RNF144A: variants seen among roughly 807,000 people sequenced by gnomAD.
RNF144A encodes ring finger protein 144A, also known as E3 ubiquitin-protein ligase RNF144A.
In RNF144A, 11 loss-of-function variants were observed where a neutral mutation model predicts 38.7. The ratio of observed to expected loss-of-function variants is 0.28; its 90% CI spans 0.18 to 0.47. The LOEUF (loss-of-function observed/expected upper bound fraction) is 0.47. Ranked by LOEUF, RNF144A falls within the 20% of genes least tolerant of loss-of-function variation. The pLI, the probability that RNF144A is intolerant of heterozygous loss-of-function variation, is 0.99. For synonymous variants in RNF144A, 149 were observed against 143.9 expected, an observed-to-expected ratio of 1.04 and a Z score of -0.25; for missense variants, 316 against 377.2, an observed-to-expected ratio of 0.84 and a Z score of 1.34.
chr2:7,031,939 A>T (rs1347046261), intron 8 of RNF144A, among the ~76,000 whole-genome samples: 3 of 152,282 alleles, frequency 2.0e-5, no homozygotes, highest in Non-Finnish European at 1.5e-5. Context: ...TTACACAGGC[A>T]GGTGGAAGTG....
At chr2:6,993,948 A>G (rs950682056) in intron 2 of RNF144A, among the ~76,000 whole-genome samples, 1 of 152,204 alleles carries the variant, frequency 6.6e-6, no homozygotes, top group East Asian at 1.9e-4. Context: ...TCCCAAGTCT[A>G]CATGAGTGGT....
At position 7,040,051 on chromosome 2, in the gene RNF144A, G is replaced by T; in HGVS notation, c.*291G>T. 8.8e-7 allele frequency: 1 copy of T among 1,130,870 alleles called. No individual in the cohort carries two copies. Among genetic ancestry groups the T allele is most frequent in the Non-Finnish European group, 1.1e-6 (1 of 920,352 alleles). The allele number at this position is 1,130,870 out of a possible 1,614,324, so 70.1% of individuals were successfully genotyped here. The stretch of plus-strand genomic sequence containing the variant: ...GTGCACCAGGCAGCTTTCTCTCTGT[G>T]GTAGACTAGGCATGTCTGGGGATGG... On this transcript the variant is annotated 3_prime_UTR_variant, in exon 9 of 9. Coordinates refer to ENST00000320892, the MANE Select transcript of RNF144A (RefSeq NM_014746.6).
intron 8 of RNF144A, among the ~76,000 whole-genome samples, chr2:7,033,505 G>A (rs1033200663): frequency 5.3e-5 from 8 of 152,222 alleles, no homozygotes; most frequent in African/African-American, 1.7e-4. Flanking sequence ...TGCAGCGCCC[G>A]TGCTTTCCCT....
intron 7 of RNF144A, among the ~76,000 whole-genome samples, chr2:7,027,216 T>C (rs1307436277): frequency 1.3e-5 from 2 of 152,184 alleles, no homozygotes; most frequent in Non-Finnish European, 2.9e-5. Flanking sequence ...CCTGCTTCCC[T>C]CTCCTCATCT....
At position 6,959,000 on chromosome 2, in the gene RNF144A, G is replaced by A. The variant is rs990481927; in HGVS notation, c.-12+17853G>A. 6.6e-6 allele frequency among the ~76,000 whole-genome samples: 1 copy of A among 152,216 alleles called. No homozygotes were observed. The highest frequency in any genetic ancestry group is 2.4e-5 in the African/African-American group (1 of 41,450). On this transcript the variant is annotated intron_variant, in intron 2 of 8. Coordinates refer to ENST00000320892, the MANE Select transcript of RNF144A (RefSeq NM_014746.6). The surrounding 1 kb of genome is among the most constrained non-coding windows in gnomAD (Gnocchi z 4.5). Reference sequence around the variant, plus strand: ...GTCCAGTTACTGCTCTCCGGGGCTTGCTCCCCTGATCACTCTCTTACTGCC... The same window carrying A: ...GTCCAGTTACTGCTCTCCGGGGCTTACTCCCCTGATCACTCTCTTACTGCC...
intron 8 of RNF144A, among the ~76,000 whole-genome samples, chr2:7,030,770 T>C (rs528774735): frequency 6.6e-6 from 1 of 152,228 alleles, no homozygotes; most frequent in South Asian, 2.1e-4. Context: ...GTGCACTTTA[T>C]GTCATGATTA....
Position 7,039,983 on chromosome 2 carries a change from C to A in RNF144A, c.*223C>A. On this transcript the variant is annotated 3_prime_UTR_variant, in exon 9 of 9. Coordinates refer to ENST00000320892, the MANE Select transcript of RNF144A (RefSeq NM_014746.6). ...AGGCAGGTGTGGGTAGCGCACATCC[C>A]CACAGATCAATCTCTGCAGATGACA... 7.5e-7 allele frequency: 1 copy of A among 1,337,422 alleles called. No individual in the cohort carries two copies. Among genetic ancestry groups the A allele is most frequent in the Non-Finnish European group, 9.6e-7 (1 of 1,041,766 alleles). 82.8% of individuals were successfully genotyped at this position (1,337,422 alleles called of 1,614,324 possible). A position where few individuals can be genotyped will look rare whatever the true frequency, so the allele number is the denominator to read the frequency against.
intron 2 of RNF144A, among the ~76,000 whole-genome samples, chr2:6,983,613 C>T (rs1383127272): frequency 6.6e-6 from 1 of 152,184 alleles, no homozygotes; most frequent in Non-Finnish European, 1.5e-5. Flanking sequence ...GTCCTGACCT[C>T]TCACCCACTC....
rs1012246443 is a variant in RNF144A, at chr2:7,031,684, C to T, written c.747+1469C>T. 5.3e-5 allele frequency among the ~76,000 whole-genome samples: 8 copies of T among 152,240 alleles called. No individual in the cohort carries two copies. In the East Asian group the frequency reaches 1.5e-3, roughly 29 times the overall value. On this transcript the variant is annotated intron_variant, in intron 8 of 8. Coordinates refer to ENST00000320892, the MANE Select transcript of RNF144A (RefSeq NM_014746.6). ...AGAAACTCAGTCTCAAGGCAGTTGC[C>T]AGGACGAGGGAAAGGTCCACCTACA...
chr2:6,923,905 G>A (rs778346515), intron 1 of RNF144A, among the ~76,000 whole-genome samples: 1 of 151,990 alleles, frequency 6.6e-6, no homozygotes, highest in Non-Finnish European at 1.5e-5. Context: ...CTCTGCACAG[G>A]TAGGAACTTA....
At chr2:6,955,881 A>G (rs1287200992) in intron 2 of RNF144A, among the ~76,000 whole-genome samples, 2 of 152,100 alleles carry the variant, frequency 1.3e-5, no homozygotes, top group Non-Finnish European at 2.9e-5. Flanking sequence ...ACCACATGCT[A>G]TTTCTGTGCT....
At chr2:7,026,541 A>G (rs1190575387) in intron 7 of RNF144A, among the ~76,000 whole-genome samples, 2 of 149,566 alleles carry the variant, frequency 1.3e-5, no homozygotes, top group African/African-American at 4.9e-5. Flanking sequence ...ATTATGATAT[A>G]ATATCTAATA....
chr2:6,986,790 G>A (rs1465578632), intron 2 of RNF144A, among the ~76,000 whole-genome samples: 2 of 152,084 alleles, frequency 1.3e-5, no homozygotes, highest in African/African-American at 4.8e-5. Context: ...GAAGGAAGTG[G>A]GGTTGGGGTG....
Position 7,043,447 on chromosome 2 carries a change from T to C in RNF144A, c.*3687T>C. On this transcript the variant is annotated 3_prime_UTR_variant, in exon 9 of 9. Transcript: ENST00000320892. Reference sequence around the variant, plus strand: ...TGTGTGTGTCTCAGATTCTCATTTATTAGTGAGCACACCTGTGTATATATA... The same window carrying C: ...TGTGTGTGTCTCAGATTCTCATTTACTAGTGAGCACACCTGTGTATATATA... The C allele has an allele frequency of 2.0e-6, 2 of 985,782 alleles. No homozygotes were observed. Among genetic ancestry groups the C allele is most frequent in the Non-Finnish European group, 2.4e-6 (2 of 829,914 alleles). 61.1% of individuals were successfully genotyped at this position (985,782 alleles called of 1,614,324 possible).
rs1665993473 is a variant in RNF144A, at chr2:6,941,697, G to A, written c.-12+550G>A. On this transcript the variant is annotated intron_variant, in intron 2 of 8. Coordinates refer to ENST00000320892, the MANE Select transcript of RNF144A (RefSeq NM_014746.6). The surrounding 1 kb of genome is among the most constrained non-coding windows in gnomAD (Gnocchi z 6.5). ...AAAAGTAGACCATGTCTAGTACGAC[G>A]GGGCAGGTTGCAGTTTTAAGTGGAG... Among the ~76,000 whole-genome samples, 1 of 152,260 alleles carries A rather than the reference G, an allele frequency of 6.6e-6. No homozygotes were observed. Among genetic ancestry groups the A allele is most frequent in the South Asian group, 2.1e-4 (1 of 4,834 alleles).
Position 7,043,443 on chromosome 2 carries a change from T to C in RNF144A, c.*3683T>C, listed in dbSNP as rs774901215. On this transcript the variant is annotated 3_prime_UTR_variant, in exon 9 of 9. Transcript: ENST00000320892. ...TTTGTGTGTGTGTCTCAGATTCTCA[T>C]TTATTAGTGAGCACACCTGTGTATA... is the stretch of plus-strand genomic sequence containing the variant. The C allele has an allele frequency of 2.6e-5, 26 of 985,674 alleles. No homozygotes were observed. Among genetic ancestry groups the C allele is most frequent in the Non-Finnish European group, 3.1e-5 (26 of 829,938 alleles). The allele number at this position is 985,674 out of a possible 1,614,324, so 61.1% of individuals were successfully genotyped here.
downstream of RNF144A, among the ~76,000 whole-genome samples, chr2:7,072,696 T>G (rs1674525879): frequency 6.6e-6 from 1 of 152,224 alleles, no homozygotes. Context: ...TCTCCATCAC[T>G]GAGTCTTAGA....
At chr2:6,997,151 C>T (rs1008140509) in intron 3 of RNF144A, 90 bp downstream of exon 3, 3 of 1,317,104 alleles carry the variant, frequency 2.3e-6, no homozygotes, top group African/African-American at 1.4e-5. Flanking sequence ...AACCTTTGGA[C>T]TACATTTTGC....
chr2:6,951,636 A>G (rs1666685974), intron 2 of RNF144A, among the ~76,000 whole-genome samples: 1 of 152,136 alleles, frequency 6.6e-6, no homozygotes, highest in Non-Finnish European at 1.5e-5. Context: ...TGAAATTTCT[A>G]TGTTTTCTAC....
Sources: gnomAD v4.1 joint callset for allele counts (sites outside exome capture counted in the v4.1 genomes callset) on GRCh38, gnomAD v4.1.1 for gene constraint, Gnocchi (gnomAD v3.1) non-coding constraint, MANE v1.5 for transcripts, NCBI Gene and HGNC (gene_info 2026-07-23, HGNC 2026-07-21) for gene names.